KIF1B: variants seen among roughly 807,000 people sequenced by gnomAD.
KIF1B encodes the protein kinesin family member 1B, also known as kinesin-like protein KIF1B.
In KIF1B, 76 loss-of-function variants were observed where a neutral mutation model predicts 241.9. That is an observed-to-expected ratio of 0.31 (90% CI 0.26 to 0.38). KIF1B has a LOEUF of 0.38. KIF1B is among the 10% of genes least tolerant of loss of function. KIF1B has a pLI of 1.00. For synonymous variants in KIF1B, 750 were observed against 796.7 expected, an observed-to-expected ratio of 0.94 and a Z score of 0.99; for missense variants, 1,622 against 2,271.4, an observed-to-expected ratio of 0.71 and a Z score of 5.81.
At position 10,315,391 on chromosome 1, in the gene KIF1B, G is replaced by A. The variant is rs370287161; in HGVS notation, c.2116-4652G>A. Reference sequence around the variant, plus strand: ...GGGTTTCACCATGTTGGCCAGGCTGGTCTTGAACTCCTGACCTCAGGTGAT... The same window carrying A: ...GGGTTTCACCATGTTGGCCAGGCTGATCTTGAACTCCTGACCTCAGGTGAT... On this transcript the variant is annotated intron_variant, in intron 22 of 48. Transcript: ENST00000676179. 1.4e-4 allele frequency among the ~76,000 whole-genome samples: 21 copies of A among 150,870 alleles called. 1 individual carries two copies. Among genetic ancestry groups the A allele is most frequent in the African/African-American group, 4.4e-4 (18 of 40,486 alleles).
intron 38 of KIF1B, among the ~76,000 whole-genome samples, chr1:10,358,684 A>C (rs1430579812): frequency 9.1e-6 from 1 of 110,262 alleles, no homozygotes; most frequent in Non-Finnish European, 1.9e-5. Context: ...ACTCTGTCTC[A>C]AAAAAAAAAA....
At position 10,303,377 on chromosome 1, in the gene KIF1B, C is replaced by T; in HGVS notation, c.2115+6131C>T. The T allele has an allele frequency of 1.2e-6, 2 of 1,614,182 alleles. No individual in the cohort carries two copies. The highest frequency in any genetic ancestry group is 1.7e-6 in the Non-Finnish European group (2 of 1,180,034). ...TTGAGTAAAGATTCCAAGTGGGTCA[C>T]AATCTCAGATCTTAAAATTCAGGCT... On this transcript the variant is annotated intron_variant, in intron 22 of 48. Coordinates refer to ENST00000676179, the MANE Select transcript of KIF1B (RefSeq NM_001365951.3). This position sits in a 1 kb window ranked among gnomAD's most constrained non-coding sequence, Gnocchi z 5.2.
intron 1 of KIF1B, among the ~76,000 whole-genome samples, chr1:10,214,573 C>T (rs1646737743): frequency 6.6e-6 from 1 of 150,634 alleles, no homozygotes; most frequent in African/African-American, 2.4e-5. Flanking sequence ...CAGGCATGAG[C>T]CACCGTGCCC....
intron 2 of KIF1B, 71 bp downstream of exon 2, chr1:10,232,505 G>A: frequency 9.1e-7 from 1 of 1,098,364 alleles, no homozygotes; most frequent in South Asian, 1.3e-5. Context: ...GTCTTGCTGT[G>A]TTCAGAATAG....
intron 31 of KIF1B, among the ~76,000 whole-genome samples, chr1:10,338,239 G>A (rs958549948): frequency 1.3e-5 from 2 of 152,282 alleles, no homozygotes; most frequent in African/African-American, 4.8e-5. Flanking sequence ...GTGCCACCAA[G>A]AGGCTGCTTT....
rs1210395183 is a variant in KIF1B, at chr1:10,337,110, C to T, written c.3166C>T (p.Leu1056=). Residue 1056 remains leucine, a synonymous_variant, in exon 30 of 49, where the codon CTG becomes TTG. Transcript: ENST00000676179. The surrounding 1 kb of genome is among the most constrained non-coding windows in gnomAD (Gnocchi z 4.0). ...GTCTGTTGCAATGACTCGTTCTGGTCTGTCCTTGGAGGAGTTGAGGATTGT... is the reference window on the plus strand; with the variant it reads ...GTCTGTTGCAATGACTCGTTCTGGTTTGTCCTTGGAGGAGTTGAGGATTGT... ...FSSVAMTRSG[L]SLEELRIVEG... The T allele has an allele frequency of 2.5e-6, 4 of 1,614,000 alleles. No individual in the cohort carries two copies. Among genetic ancestry groups the T allele is most frequent in the Admixed American group, 3.3e-5 (2 of 59,994 alleles).
chr1:10,267,370 T>C lies in KIF1B; in HGVS notation c.430-10T>C, dbSNP rs1648527081. The C allele has an allele frequency of 6.2e-7, 1 of 1,613,208 alleles. No individual in the cohort carries two copies. Among genetic ancestry groups the C allele is most frequent in the African/African-American group, 1.3e-5 (1 of 75,008 alleles). On this transcript the variant is annotated splice_polypyrimidine_tract_variant and intron_variant, in intron 5 of 48. Coordinates refer to ENST00000676179, the MANE Select transcript of KIF1B (RefSeq NM_001365951.3). ...TTTCACTCTAATTCACTTTACTAAT[T>C]TGTTCATAGGTGAGCTACATGGAAA...
chr1:10,297,307 T>A, intron 22 of KIF1B, 61 bp downstream of exon 22: 1 of 1,457,896 alleles, frequency 6.9e-7, no homozygotes, highest in Non-Finnish European at 9.6e-7. Context: ...ATACTTTCCC[T>A]GTTCCACAGA....
chr1:10,346,367 G>GTT (rs1294025507), intron 35 of KIF1B, among the ~76,000 whole-genome samples: 11 of 135,464 alleles, frequency 8.1e-5, no homozygotes, highest in African/African-American at 3.0e-4. Flanking sequence ...GGTTTTTTTT[G>GTT]TTTTTTGTTT....
chr1:10,362,503 G>GAA (rs79052867), intron 40 of KIF1B, among the ~76,000 whole-genome samples: 2 of 119,304 alleles, frequency 1.7e-5, no homozygotes, highest in African/African-American at 6.2e-5. Flanking sequence ...AAAGAAAAAG[G>GAA]AAAAAAAAAA....
chr1:10,281,235 T>C (rs770519051), intron 14 of KIF1B, among the ~76,000 whole-genome samples: 4 of 152,210 alleles, frequency 2.6e-5, no homozygotes, highest in African/African-American at 4.8e-5. Flanking sequence ...AGTTTTGATA[T>C]GAATTTTAGT....
intron 24 of KIF1B, 125 bp downstream of exon 24, chr1:10,321,982 C>A: frequency 1.1e-6 from 1 of 948,522 alleles, no homozygotes; most frequent in South Asian, 1.4e-5. Flanking sequence ...TATAAAACAG[C>A]TTTATATATG....
chr1:10,283,050 ACAAAAAATT>A (rs891575062), intron 15 of KIF1B, among the ~76,000 whole-genome samples: 8 of 151,890 alleles, frequency 5.3e-5, no homozygotes, highest in Non-Finnish European at 4.4e-5. Context: ...TACTAAAAAT[ACAAAAAATT>A]AGCCGGGCGT....
At chr1:10,350,568 TATAA>T (rs983752564) in intron 37 of KIF1B, among the ~76,000 whole-genome samples, 1 of 152,034 alleles carries the variant, frequency 6.6e-6, no homozygotes, top group East Asian at 1.9e-4. Context: ...CAAAAAAATA[TATAA>T]ATAAATAAAT....
At position 10,376,877 on chromosome 1, in the gene KIF1B, A is replaced by G. The variant is rs1638906857; in HGVS notation, c.*290A>G. On this transcript the variant is annotated 3_prime_UTR_variant, in exon 49 of 49. Transcript: ENST00000676179. ...CACACACACACACACATACACAGAC[A>G]AAAACACAAAAACTCTGAGGGGATC... 3 of 435,500 alleles carry G rather than the reference A, an allele frequency of 6.9e-6. No individual in the cohort carries two copies. Among genetic ancestry groups the G allele is most frequent in the Non-Finnish European group, 8.6e-6 (2 of 231,934 alleles). The allele number at this position is 435,500 out of a possible 1,614,324, so 27.0% of individuals were successfully genotyped here.
rs552668794 is a variant in KIF1B, at chr1:10,245,064, T to C, written c.107-11183T>C. Among the ~76,000 whole-genome samples the C allele has an allele frequency of 2.4e-4, 37 of 152,354 alleles. No homozygotes were observed. The South Asian group carries it at 7.7e-3, about 32-fold the overall frequency. On this transcript the variant is annotated intron_variant, in intron 2 of 48. Coordinates refer to ENST00000676179, the MANE Select transcript of KIF1B (RefSeq NM_001365951.3). ...CCACACAGATAACATCAATTATAGT[T>C]GCAGGCAAAATCTTTAGTAGTTTGC...
At chr1:10,224,874 G>C (rs1646890853) in intron 1 of KIF1B, among the ~76,000 whole-genome samples, 1 of 152,196 alleles carries the variant, frequency 6.6e-6, no homozygotes, top group Admixed American at 6.5e-5. Flanking sequence ...CCCAGGGACT[G>C]GTTTTGTGGA....
chr1:10,319,101 T>A (rs922985119), intron 22 of KIF1B, among the ~76,000 whole-genome samples: 3 of 143,882 alleles, frequency 2.1e-5, no homozygotes, highest in African/African-American at 8.5e-5. Context: ...ATTACAATAA[T>A]CCTTTTTTTT....
chr1:10,242,028 T>C (rs1647144423), intron 2 of KIF1B, among the ~76,000 whole-genome samples: 1 of 152,158 alleles, frequency 6.6e-6, no homozygotes, highest in African/African-American at 2.4e-5. Flanking sequence ...TGAAAGCTGT[T>C]CTTAGTTGTG....
Sources: gnomAD v4.1 joint callset for allele counts (sites outside exome capture counted in the v4.1 genomes callset) on GRCh38, gnomAD v4.1.1 for gene constraint, Gnocchi (gnomAD v3.1) non-coding constraint, MANE v1.5 for transcripts, NCBI Gene and HGNC (gene_info 2026-07-23, HGNC 2026-07-21) for gene names.